Variants in TARS1 observed in about 807,000 individuals in gnomAD.
The protein encoded by TARS1 is threonine--tRNA ligase 1, cytoplasmic.
A neutral mutation model predicts 97.7 loss-of-function variants in TARS1; 57 were observed. The ratio of observed to expected loss-of-function variants is 0.58; its 90% CI spans 0.47 to 0.73. The LOEUF is 0.73. Ranked by LOEUF, TARS1 falls within the 30% of genes least tolerant of loss-of-function variation. TARS1 has a pLI of 0.00. For synonymous variants in TARS1, 312 were observed against 293.7 expected, an observed-to-expected ratio of 1.06 and a Z score of -0.64; for missense variants, 806 against 888.3, an observed-to-expected ratio of 0.91 and a Z score of 1.18.
intron 3 of TARS1, chr5:33,452,402 C>T (rs902251040): frequency 6.5e-7 from 1 of 1,535,338 alleles, no homozygotes; most frequent in African/African-American, 1.4e-5. Flanking sequence ...TGTGGCCATT[C>T]CCTCATCTGG....
chr5:33,443,309 C>CTA (rs1741215830), intron 1 of TARS1, among the ~76,000 whole-genome samples: 1 of 129,664 alleles, frequency 7.7e-6, no homozygotes. Context: ...GTGATTCCCT[C>CTA]TCTCTCTCTC....
intron 11 of TARS1, 193 bp downstream of exon 11, chr5:33,460,054 G>A: frequency 2.0e-6 from 1 of 512,698 alleles, no homozygotes; most frequent in Non-Finnish European, 3.3e-6. Flanking sequence ...TTTTAAAGAG[G>A]TCTTCCAACT....
intron 2 of TARS1, 128 bp from the exon 3 acceptor site, chr5:33,448,411 AGT>A: frequency 1.4e-6 from 1 of 690,152 alleles, no homozygotes; most frequent in East Asian, 3.2e-5. Context: ...TGATTTTGGC[AGT>A]GTTTATTTAC....
chr5:33,463,578 C>G (rs534292873), intron 16 of TARS1, among the ~76,000 whole-genome samples, 175 bp from the exon 17 acceptor site: 26 of 152,288 alleles, frequency 1.7e-4, no homozygotes, highest in Non-Finnish European at 3.1e-4. Context: ...TGCATCTCCT[C>G]GCCTTAATCT....
rs1741548549 is a variant in TARS1, at chr5:33,448,688, G to A, written c.286G>A (p.Glu96Lys). Residue 96 changes from glutamate to lysine, a missense_variant, in exon 3 of 19, where the codon GAA (glutamate) becomes AAA (lysine). Physicochemically the swap from Glu to Lys is moderately conservative, Grantham distance 56 (BLOSUM62 1). Coordinates refer to ENST00000265112, the MANE Select transcript of TARS1 (RefSeq NM_152295.5). ...TLPDGKQVDA[E>K]SWKTTPYQIA... ...GCCTGATGGTAAACAGGTTGATGCG[G>A]AATCTTGGAAAACTACACCATATCA... 2 of 1,613,656 alleles carry A rather than the reference G, an allele frequency of 1.2e-6. No homozygotes were observed. The highest frequency in any genetic ancestry group is 2.2e-5 in the South Asian group (2 of 91,034).
Position 33,455,643 on chromosome 5 carries a change from A to C in TARS1, c.632A>C (p.Lys211Thr), listed in dbSNP as rs1741973615. The C allele has an allele frequency of 6.2e-7, 1 of 1,613,088 alleles. No homozygotes were observed. Among genetic ancestry groups the C allele is most frequent in the African/African-American group, 1.3e-5 (1 of 74,904 alleles). The change falls in exon 6 of 19, where the codon AAA becomes ACA. Residue 211 changes from lysine (K) to threonine (T), a missense_variant. Transcript: ENST00000265112. ...SLEALCKKII[K>T]EKQAFERLEV... is the part of the protein sequence containing the mutation. Reference sequence around the variant, plus strand: ...GAGGCTTTGTGTAAGAAAATCATTAAAGAAAAACAAGCTTTTGAAAGACTG... The same window carrying C: ...GAGGCTTTGTGTAAGAAAATCATTACAGAAAAACAAGCTTTTGAAAGACTG...
In TARS1 at chr5:33,461,193, A is replaced by G. The variant is rs547296698; in HGVS notation, c.1449A>G (p.Leu483=). Reference sequence around the variant, plus strand: ...AAATAAAAGGTTGTTTGGATTTTCTACGTACGGTATATAGCGTATTTGGAT... The same window carrying G: ...AAATAAAAGGTTGTTTGGATTTTCTGCGTACGGTATATAGCGTATTTGGAT... ...EDEIKGCLDF[L]RTVYSVFGFS... is the part of the protein sequence containing the mutation. Residue 483 remains leucine, a synonymous_variant, in exon 13 of 19, where the codon CTA becomes CTG. Coordinates refer to ENST00000265112, the MANE Select transcript of TARS1 (RefSeq NM_152295.5). 8.7e-6 allele frequency: 14 copies of G among 1,611,638 alleles called. No homozygotes were observed. The South Asian group carries it at 1.4e-4, about 17-fold the overall frequency.
At chr5:33,455,556 A>G in intron 5 of TARS1, 31 bp from the exon 6 acceptor site, 2 of 1,431,920 alleles carry the variant, frequency 1.4e-6, no homozygotes, top group South Asian at 1.3e-5. Context: ...ATTCGAATGG[A>G]ATGAAAAGAT....
intron 11 of TARS1, 117 bp downstream of exon 11, chr5:33,459,978 T>G (rs551620368): frequency 1.6e-5 from 18 of 1,152,538 alleles, no homozygotes; most frequent in Middle Eastern, 2.8e-4. Context: ...AGAAGAGCAT[T>G]TAAACGCAAC....
intron 8 of TARS1, among the ~76,000 whole-genome samples, chr5:33,456,582 A>G (rs1468017919): frequency 6.6e-6 from 1 of 152,238 alleles, no homozygotes; most frequent in Non-Finnish European, 1.5e-5. Context: ...AACAGAACCC[A>G]GTTTTATACT....
intron 1 of TARS1, chr5:33,441,427 G>C (rs745416040): frequency 5.3e-6 from 2 of 380,032 alleles, no homozygotes. Flanking sequence ...ATCTACAGTA[G>C]TTAGACGCGG....
chr5:33,454,502 G>A (rs139375519), intron 4 of TARS1, among the ~76,000 whole-genome samples: 106 of 152,300 alleles, frequency 7.0e-4, no homozygotes, highest in African/African-American at 2.4e-3. Flanking sequence ...TTTGTTTTGG[G>A]CCAGTAACAA....
At chr5:33,453,018 A>T (rs1741822185) in intron 3 of TARS1, among the ~76,000 whole-genome samples, 1 of 152,074 alleles carries the variant, frequency 6.6e-6, no homozygotes, top group East Asian at 1.9e-4. Context: ...TTGGAAATTG[A>T]TAGTGCTTAT....
intron 1 of TARS1, chr5:33,441,348 A>T (rs910797492): frequency 6.7e-6 from 4 of 595,432 alleles, no homozygotes; most frequent in Non-Finnish European, 1.2e-5. Flanking sequence ...CTTGCAGTTC[A>T]TCTGTGGGTC....
chr5:33,453,969 C>G (rs1200393551), intron 4 of TARS1, among the ~76,000 whole-genome samples: 1 of 152,146 alleles, frequency 6.6e-6, no homozygotes, highest in Non-Finnish European at 1.5e-5. Flanking sequence ...ATCTGCCCAC[C>G]TCGGCCCCCC....
intron 2 of TARS1, chr5:33,446,795 G>A (rs2111933090): frequency 8.1e-7 from 1 of 1,241,304 alleles, no homozygotes; most frequent in Middle Eastern, 2.4e-4. Context: ...GCTTTAGAGT[G>A]GATGGAACTG....
chr5:33,459,619 A>G, intron 10 of TARS1, 76 bp from the exon 11 acceptor site: 1 of 1,524,996 alleles, frequency 6.6e-7, no homozygotes, highest in Non-Finnish European at 9.0e-7. Context: ...GTATAAAATC[A>G]CTCTTTAAGT....
chr5:33,455,664 G>T lies in TARS1; in HGVS notation c.653G>T (p.Arg218Ile). The T allele has an allele frequency of 6.2e-7, 1 of 1,612,744 alleles. No individual in the cohort carries two copies. ...ATTAAAGAAAAACAAGCTTTTGAAA[G>T]ACTGGAAGTTAAGAAAGAAACTTTA... ...KIIKEKQAFE[R>I]LEVKKETLLA... The change falls in exon 6 of 19, where the codon AGA becomes ATA. Residue 218 changes from arginine to isoleucine, a missense_variant. Around this residue, in one of 3 missense-constraint regions of TARS1, gnomAD observed 356 missense variants for 357.8 expected, o/e 0.99. Coordinates refer to ENST00000265112, the MANE Select transcript of TARS1 (RefSeq NM_152295.5).
intron 5 of TARS1, 24 bp from the exon 6 acceptor site, chr5:33,455,563 A>T (rs867386902): frequency 1.4e-6 from 2 of 1,476,346 alleles, no homozygotes; most frequent in Middle Eastern, 3.6e-4. Context: ...TGGAATGAAA[A>T]GATTATACTT....
Sources: gnomAD v4.1 joint callset for allele counts (sites outside exome capture counted in the v4.1 genomes callset) on GRCh38, gnomAD v4.1.1 for gene constraint, gnomAD v4.1.1 regional missense constraint, MANE v1.5 for transcripts, NCBI Gene and HGNC (gene_info 2026-07-23, HGNC 2026-07-21) for gene names.